Variants in CHCHD3 observed in about 807,000 individuals in gnomAD.
CHCHD3 encodes coiled-coil-helix-coiled-coil-helix domain containing 3.
CHCHD3 carries 20 observed loss-of-function variants against 38.2 expected under a neutral mutation model. That is an observed-to-expected ratio of 0.52 (90% confidence interval 0.37 to 0.76). CHCHD3 has a LOEUF of 0.76. Among genes scored for constraint, CHCHD3 ranks in the 30% least tolerant of loss-of-function variants. The pLI, the probability that CHCHD3 is intolerant of heterozygous loss-of-function variation, is 0.00. For missense variants in CHCHD3, 245 were observed against 279.2 expected, an observed-to-expected ratio of 0.88 and a Z score of 0.87; for synonymous variants, 82 against 100.0, an observed-to-expected ratio of 0.82 and a Z score of 1.07.
chr7:132,906,251 T>C (rs939237074), intron 4 of CHCHD3, among the ~76,000 whole-genome samples: 5 of 152,250 alleles, frequency 3.3e-5, no homozygotes, highest in Non-Finnish European at 7.3e-5. Flanking sequence ...TTAAATGTTT[T>C]GTGATCCTTG....
At chr7:132,923,221 T>C (rs1279591150) in intron 4 of CHCHD3, among the ~76,000 whole-genome samples, 1 of 152,184 alleles carries the variant, frequency 6.6e-6, no homozygotes, top group African/African-American at 2.4e-5. Context: ...TCTAATAATT[T>C]TTTAATTTAG....
intron 5 of CHCHD3, among the ~76,000 whole-genome samples, chr7:132,842,249 CTAAGT>C (rs905129790): frequency 2.0e-5 from 3 of 152,010 alleles, no homozygotes; most frequent in Admixed American, 2.0e-4. Context: ...AAAAGGTTGG[CTAAGT>C]GGGGATTTTA....
chr7:132,805,524 G>C (rs1806896262), intron 6 of CHCHD3, among the ~76,000 whole-genome samples: 1 of 152,132 alleles, frequency 6.6e-6, no homozygotes, highest in Non-Finnish European at 1.5e-5. Flanking sequence ...GTGCTAAGAA[G>C]GGAGGGGCCG....
intron 4 of CHCHD3, among the ~76,000 whole-genome samples, chr7:132,957,132 C>G (rs1811195340): frequency 6.6e-6 from 1 of 152,210 alleles, no homozygotes; most frequent in Admixed American, 6.5e-5. Context: ...ATACCCTAGA[C>G]AGGGAACCTG....
At chr7:133,061,062 G>A (rs939692218) in intron 2 of CHCHD3, among the ~76,000 whole-genome samples, 4 of 152,158 alleles carry the variant, frequency 2.6e-5, no homozygotes, top group Non-Finnish European at 5.9e-5. Context: ...GAGATTCCCA[G>A]AGAAGACTCG....
At chr7:132,879,219 C>G (rs1055728875) in intron 5 of CHCHD3, among the ~76,000 whole-genome samples, 1 of 152,118 alleles carries the variant, frequency 6.6e-6, no homozygotes, top group African/African-American at 2.4e-5. Context: ...ACAAACATAT[C>G]TTCATATTTA....
intron 3 of CHCHD3, among the ~76,000 whole-genome samples, chr7:132,976,660 G>A (rs1244948972): frequency 3.9e-5 from 6 of 152,178 alleles, no homozygotes; most frequent in South Asian, 4.1e-4. Flanking sequence ...GTTGGTGTAA[G>A]TGAAATTCTG....
chr7:132,958,967 G>T (rs1382858464), intron 4 of CHCHD3, among the ~76,000 whole-genome samples: 3 of 151,958 alleles, frequency 2.0e-5, no homozygotes, highest in Non-Finnish European at 4.4e-5. Flanking sequence ...CATCTTTTTT[G>T]CCCGGGCAAC....
chr7:132,990,707 G>A (rs1457448708), intron 3 of CHCHD3, among the ~76,000 whole-genome samples: 3 of 152,198 alleles, frequency 2.0e-5, no homozygotes, highest in South Asian at 2.1e-4. Flanking sequence ...GCCAGGACTC[G>A]AATTTTGAAA....
intron 3 of CHCHD3, among the ~76,000 whole-genome samples, chr7:132,983,046 G>C (rs1156987338): frequency 6.6e-6 from 1 of 152,164 alleles, no homozygotes; most frequent in African/African-American, 2.4e-5. Context: ...AAATTGGCCA[G>C]GCGCGGCAGC....
At chr7:133,065,263 G>A (rs1245767024) in intron 2 of CHCHD3, among the ~76,000 whole-genome samples, 4 of 152,018 alleles carry the variant, frequency 2.6e-5, no homozygotes, top group Admixed American at 2.6e-4. Context: ...TGCCCAAACA[G>A]CTTTACATGC....
chr7:132,989,315 T>G (rs1011639), intron 3 of CHCHD3, among the ~76,000 whole-genome samples: 67,656 of 151,762 alleles, frequency 0.45, 15,334 homozygotes, highest in East Asian at 0.55. Flanking sequence ...CAAAGGAACA[T>G]AGAAAAGGTG....
chr7:132,897,788 T>C (rs1585615858), intron 4 of CHCHD3, among the ~76,000 whole-genome samples: 1 of 152,244 alleles, frequency 6.6e-6, no homozygotes. Context: ...GTATACTATG[T>C]CGGTTCAGGT....
chr7:132,854,755 G>A (rs931815750), intron 5 of CHCHD3, among the ~76,000 whole-genome samples: 5 of 151,986 alleles, frequency 3.3e-5, no homozygotes, highest in African/African-American at 1.2e-4. Flanking sequence ...ACCTGAATTA[G>A]ATTTTTTTTT....
At chr7:133,019,009 G>A (rs901300053) in intron 3 of CHCHD3, among the ~76,000 whole-genome samples, 2 of 146,170 alleles carry the variant, frequency 1.4e-5, no homozygotes, top group South Asian at 2.2e-4. Flanking sequence ...TCAGCCTCCC[G>A]AGTAGCTGGG....
rs191073013 is a variant in CHCHD3, at chr7:132,968,206, A to C, written c.369+6963T>G. ...ACAAAGAACACAAAGGAGAAAACAG[A>C]ATCTGGATACTTTGTCCCAGAAGCC... On this transcript the variant is annotated intron_variant, in intron 4 of 7. Transcript: ENST00000262570. Among the ~76,000 whole-genome samples the C allele has an allele frequency of 3.7e-3, 570 of 152,302 alleles. 4 individuals are homozygous for C. Among genetic ancestry groups the C allele is most frequent in the Non-Finnish European group, 5.8e-3 (393 of 68,020 alleles).
chr7:132,980,536 G>A (rs946862477), intron 3 of CHCHD3, among the ~76,000 whole-genome samples: 1 of 152,124 alleles, frequency 6.6e-6, no homozygotes, highest in African/African-American at 2.4e-5. Flanking sequence ...GGAGTTTAGT[G>A]TAAACTTTTC....
At chr7:133,045,783 C>T (rs373063009) in intron 2 of CHCHD3, among the ~76,000 whole-genome samples, 7 of 152,194 alleles carry the variant, frequency 4.6e-5, no homozygotes, top group African/African-American at 1.7e-4. Flanking sequence ...GAGCTGATTT[C>T]CCTCTTGGTG....
intron 7 of CHCHD3, among the ~76,000 whole-genome samples, chr7:132,790,444 T>C (rs1330127441): frequency 6.6e-6 from 1 of 152,138 alleles, no homozygotes; most frequent in Non-Finnish European, 1.5e-5. Context: ...CAGAAAGTGG[T>C]TTAGAAAAGG....
Sources: gnomAD v4.1 joint callset for allele counts (sites outside exome capture counted in the v4.1 genomes callset) on GRCh38, gnomAD v4.1.1 for gene constraint, MANE v1.5 for transcripts, NCBI Gene and HGNC (gene_info 2026-07-23, HGNC 2026-07-21) for gene names.